Variants in TAFA1 observed in about 807,000 individuals in gnomAD.
The protein encoded by TAFA1 is chemokine-like protein TAFA-1.
TAFA1 carries 4 observed loss-of-function variants against 18.5 expected under a neutral mutation model. The ratio of observed to expected loss-of-function variants is 0.22; its 90% CI spans 0.11 to 0.49. TAFA1 has a LOEUF of 0.49. Ranked by LOEUF, TAFA1 falls within the 20% of genes least tolerant of loss-of-function variation. The probability of loss-of-function intolerance (pLI) is 0.98; values close to 1 mark genes in which losing one functional copy is unlikely to be tolerated. For synonymous variants in TAFA1, 56 were observed against 55.2 expected, an observed-to-expected ratio of 1.01 and a Z score of -0.06; for missense variants, 147 against 169.0, an observed-to-expected ratio of 0.87 and a Z score of 0.72.
chr3:68,485,459 T>G (rs1210948544), intron 3 of TAFA1, among the ~76,000 whole-genome samples: 1 of 152,200 alleles, frequency 6.6e-6, no homozygotes, highest in Non-Finnish European at 1.5e-5. Context: ...AAGTCAGAAT[T>G]TAGATGAGTG....
chr3:68,246,151 T>C (rs952532168), intron 2 of TAFA1, among the ~76,000 whole-genome samples: 5 of 152,146 alleles, frequency 3.3e-5, no homozygotes, highest in African/African-American at 1.2e-4. Flanking sequence ...TTGGAACTGT[T>C]GGCATCCGTT....
At chr3:68,175,598 T>C (rs1176006931) in intron 2 of TAFA1, among the ~76,000 whole-genome samples, 1 of 152,138 alleles carries the variant, frequency 6.6e-6, no homozygotes, top group Non-Finnish European at 1.5e-5. Context: ...TCTCTCCCGT[T>C]TGGAATGGTT....
chr3:68,160,508 G>C (rs930862596), intron 2 of TAFA1, among the ~76,000 whole-genome samples: 9 of 152,222 alleles, frequency 5.9e-5, no homozygotes, highest in Admixed American at 5.9e-4. Flanking sequence ...TCTTTTTCTG[G>C]CTAAGTGACT....
rs114311352 is a variant in TAFA1 at position 68,387,223 on chromosome 3, T to C, written c.119-30057T>C. On this transcript the variant is annotated intron_variant, in intron 2 of 4. Transcript: ENST00000478136. The stretch of plus-strand genomic sequence containing the variant: ...TTCTGGTGACTATAAATCCAGACAT[T>C]GTACTTTCAGTGATAATTAGGTTTC... Among the ~76,000 whole-genome samples, 1,021 of 152,180 alleles carry C rather than the reference T, an allele frequency of 6.7e-3. 14 individuals are homozygous for C. The highest frequency in any genetic ancestry group is 0.024 in the African/African-American group (979 of 41,542).
chr3:68,169,015 TA>T (rs2066018877), intron 2 of TAFA1, among the ~76,000 whole-genome samples: 1 of 152,254 alleles, frequency 6.6e-6, no homozygotes, highest in African/African-American at 2.4e-5. Context: ...TGGTCATATT[TA>T]TAAGTTTTTA....
chr3:68,373,303 A>G (rs6778918), intron 2 of TAFA1, among the ~76,000 whole-genome samples: 2,754 of 152,336 alleles, frequency 0.018, 62 homozygotes, highest in South Asian at 0.058. Flanking sequence ...GGGAAGAAGA[A>G]CATATATTTT....
intron 3 of TAFA1, among the ~76,000 whole-genome samples, chr3:68,446,942 C>A (rs2071481139): frequency 6.6e-6 from 1 of 152,146 alleles, no homozygotes; most frequent in Non-Finnish European, 1.5e-5. Context: ...CTGTACTGTG[C>A]TTTACCTTAG....
intron 2 of TAFA1, among the ~76,000 whole-genome samples, chr3:68,369,821 A>C: frequency 6.6e-6 from 1 of 152,202 alleles, no homozygotes; most frequent in East Asian, 1.9e-4. Context: ...TTAGAAAAAA[A>C]CCAGATTCCC....
At chr3:68,411,504 A>G (rs1220996625) in intron 2 of TAFA1, among the ~76,000 whole-genome samples, 2 of 152,240 alleles carry the variant, frequency 1.3e-5, no homozygotes, top group Non-Finnish European at 2.9e-5. Context: ...AAAAGCTAAA[A>G]GAATCTGAAT....
intron 2 of TAFA1, among the ~76,000 whole-genome samples, chr3:68,375,267 C>G (rs954405583): frequency 1.3e-5 from 2 of 152,128 alleles, no homozygotes; most frequent in African/African-American, 4.8e-5. Flanking sequence ...GTATCCCACT[C>G]CAGACAGTGG....
In TAFA1 at chr3:68,183,548, A is replaced by G. The variant is rs557056617; in HGVS notation, c.118+176804A>G. Among the ~76,000 whole-genome samples, 24 of 152,256 alleles carry G rather than the reference A, an allele frequency of 1.6e-4. 1 individual carries two copies. In the South Asian group the frequency reaches 4.6e-3, roughly 29 times the overall value. On this transcript the variant is annotated intron_variant, in intron 2 of 4. Transcript: ENST00000478136. ...ACTATTATGATCAGAAGACTGTTGG[A>G]TCCTGTATATCTTTTCTTATTATTT...
At chr3:68,273,356 C>T (rs994952567) in intron 2 of TAFA1, among the ~76,000 whole-genome samples, 4 of 152,144 alleles carry the variant, frequency 2.6e-5, no homozygotes, top group African/African-American at 9.7e-5. Context: ...CCAGATCACA[C>T]GTGGCCTTGT....
chr3:68,492,480 C>A lies in TAFA1; in HGVS notation c.260-46276C>A, dbSNP rs577453903. Among the ~76,000 whole-genome samples, 3 of 152,296 alleles carry A rather than the reference C, an allele frequency of 2.0e-5. No homozygotes were observed. In the South Asian group the frequency reaches 6.2e-4, roughly 32 times the overall value. ...TCTGATATTCTCCATTCCCTCATTT[C>A]TCCCTGAATTCATCTGATCTCTCCA... On this transcript the variant is annotated intron_variant, in intron 3 of 4. Transcript: ENST00000478136.
chr3:68,416,638 A>C (rs1313078946), intron 2 of TAFA1, among the ~76,000 whole-genome samples: 1 of 152,178 alleles, frequency 6.6e-6, no homozygotes, highest in Non-Finnish European at 1.5e-5. Context: ...TTTGCCAATA[A>C]ATTCTGATGA....
chr3:68,050,178 T>C (rs1033145101), intron 2 of TAFA1, among the ~76,000 whole-genome samples: 1 of 152,036 alleles, frequency 6.6e-6, no homozygotes, highest in African/African-American at 2.4e-5. Context: ...GAAACATAGA[T>C]TGGGAAGTGA....
chr3:68,477,506 C>T (rs563952220), intron 3 of TAFA1, among the ~76,000 whole-genome samples: 38 of 152,176 alleles, frequency 2.5e-4, no homozygotes, highest in Non-Finnish European at 4.3e-4. Context: ...TCCCAAGTAG[C>T]GGGGATTATA....
intron 2 of TAFA1, among the ~76,000 whole-genome samples, chr3:68,042,843 A>T (rs892892940): frequency 6.6e-6 from 1 of 151,880 alleles, no homozygotes; most frequent in Non-Finnish European, 1.5e-5. Context: ...GCACACATTA[A>T]TTTTCATTTT....
chr3:68,183,984 C>A (rs1171089762), intron 2 of TAFA1, among the ~76,000 whole-genome samples: 5 of 152,096 alleles, frequency 3.3e-5, no homozygotes, highest in Non-Finnish European at 7.4e-5. Flanking sequence ...AAAAGATATT[C>A]CCCTTCATTA....
At chr3:68,216,184 GAGA>G (rs1244772246) in intron 2 of TAFA1, among the ~76,000 whole-genome samples, 5 of 151,992 alleles carry the variant, frequency 3.3e-5, no homozygotes, top group Admixed American at 3.3e-4. Context: ...AGGTGGAGCA[GAGA>G]AGATTTTTTT....
Sources: allele counts gnomAD v4.1 joint callset (sites outside exome capture counted in the v4.1 genomes callset), GRCh38; gene constraint gnomAD v4.1.1; transcripts MANE v1.5; gene names NCBI Gene and HGNC (gene_info 2026-07-23, HGNC 2026-07-21).